ADAM7: variants seen among roughly 807,000 people sequenced by gnomAD.
The protein encoded by ADAM7 is ADAM metallopeptidase domain 7, also known as disintegrin and metalloproteinase domain-containing protein 7.
ADAM7 carries 97 observed loss-of-function variants against 102.9 expected under a neutral mutation model. The observed-to-expected ratio is 0.94, with a 90% CI of 0.80 to 1.12. The LOEUF is 1.12. Among genes scored for constraint, ADAM7 ranks in the 50% most tolerant of loss-of-function variants. The probability of loss-of-function intolerance (pLI) is 0.00; values close to 1 mark genes in which losing one functional copy is unlikely to be tolerated. For missense variants in ADAM7, 991 were observed against 908.7 expected, an observed-to-expected ratio of 1.09 and a Z score of -1.16; for synonymous variants, 334 against 304.4, an observed-to-expected ratio of 1.10 and a Z score of -1.01.
intron 7 of ADAM7, among the ~76,000 whole-genome samples, chr8:24,470,241 TTA>T (rs1491250411): frequency 5.3e-5 from 8 of 152,058 alleles, no homozygotes; most frequent in African/African-American, 1.7e-4. Flanking sequence ...ATGAAAAATG[TTA>T]TAAAATTTAA....
rs558543542 is a variant in ADAM7 at position 24,508,735 on chromosome 8, C to T, written c.*189C>T. ...TTAATATTTACCGGTAGAATTCACA[C>T]CCTCTATCATAAACATATGCTGCAG... On this transcript the variant is annotated 3_prime_UTR_variant, in exon 22 of 22. Coordinates refer to ENST00000175238, the MANE Select transcript of ADAM7 (RefSeq NM_003817.4). The T allele has an allele frequency of 4.2e-6, 6 of 1,417,408 alleles. No homozygotes were observed. The East Asian group carries it at 7.6e-5, about 18-fold the overall frequency. 87.8% of individuals were successfully genotyped at this position (1,417,408 alleles called of 1,614,324 possible). A position where few individuals can be genotyped will look rare whatever the true frequency, so the allele number is the denominator to read the frequency against.
chr8:24,459,997 A>G (rs1000197705), intron 3 of ADAM7, among the ~76,000 whole-genome samples: 1 of 152,098 alleles, frequency 6.6e-6, no homozygotes, highest in Non-Finnish European at 1.5e-5. Flanking sequence ...TCATTTCAAA[A>G]TATTTGATTT....
chr8:24,465,817 A>G, intron 5 of ADAM7, 42 bp downstream of exon 5: 5 of 1,446,556 alleles, frequency 3.5e-6, no homozygotes, highest in Non-Finnish European at 4.7e-6. Context: ...GAGTTTTCCT[A>G]TGGATTTTCA....
chr8:24,492,454 C>A, intron 14 of ADAM7, 41 bp from the exon 15 acceptor site: 1 of 1,371,082 alleles, frequency 7.3e-7, no homozygotes, highest in South Asian at 1.3e-5. Context: ...TCATGATAGT[C>A]ATGCTTTATT....
intron 3 of ADAM7, among the ~76,000 whole-genome samples, chr8:24,458,606 T>C (rs181969465): frequency 1.3e-5 from 2 of 152,280 alleles, no homozygotes; most frequent in Admixed American, 6.5e-5. Context: ...AAAATACTGA[T>C]AGTTTTGTCT....
chr8:24,462,788 A>G (rs751400160), intron 3 of ADAM7, among the ~76,000 whole-genome samples: 5 of 152,194 alleles, frequency 3.3e-5, no homozygotes, highest in Non-Finnish European at 7.3e-5. Context: ...TATCTTAAAA[A>G]CTGGAAGACA....
intron 2 of ADAM7, among the ~76,000 whole-genome samples, chr8:24,445,863 T>G (rs1343561682): frequency 2.0e-5 from 3 of 152,224 alleles, no homozygotes; most frequent in African/African-American, 7.2e-5. Context: ...AAATGTGTCA[T>G]GTTCCTTCCT....
intron 3 of ADAM7, among the ~76,000 whole-genome samples, chr8:24,450,459 A>G (rs954557654): frequency 1.7e-4 from 25 of 151,498 alleles, no homozygotes; most frequent in Non-Finnish European, 2.5e-4. Flanking sequence ...TTTGTCTGTT[A>G]TTGGTGTATA....
intron 12 of ADAM7, 53 bp from the exon 13 acceptor site, chr8:24,490,746 C>G: frequency 6.5e-7 from 1 of 1,536,160 alleles, no homozygotes; most frequent in Non-Finnish European, 8.9e-7. Context: ...ATTCTTCAAA[C>G]AGGAGTCAGA....
intron 8 of ADAM7, among the ~76,000 whole-genome samples, chr8:24,477,538 G>C (rs1819805486): frequency 7.3e-6 from 1 of 136,366 alleles, no homozygotes; most frequent in Middle Eastern, 4.1e-3. Flanking sequence ...TATTTTAGCT[G>C]GTCTATGTGT....
intron 7 of ADAM7, among the ~76,000 whole-genome samples, chr8:24,472,749 C>T (rs1322453141): frequency 6.6e-6 from 1 of 151,702 alleles, no homozygotes; most frequent in African/African-American, 2.4e-5. Context: ...GTAATTTTAG[C>T]AATGAGAAAA....
intron 13 of ADAM7, among the ~76,000 whole-genome samples, chr8:24,491,352 A>C (rs1376682305): frequency 6.6e-6 from 1 of 152,206 alleles, no homozygotes; most frequent in African/African-American, 2.4e-5. Context: ...CTTTATTGTG[A>C]ATTCACAAAG....
rs1820327899 is a variant in ADAM7 at position 24,490,971 on chromosome 8, C to T, written c.1356+83C>T. The T allele has an allele frequency of 3.0e-6, 4 of 1,341,392 alleles. No homozygotes were observed. The African/African-American group carries it at 5.9e-5, about 20-fold the overall frequency. The allele number at this position is 1,341,392 out of a possible 1,614,324, so 83.1% of individuals were successfully genotyped here. ...CAAGAGTTATCTAACCACTGGACAG[C>T]CCTGCACCACTGACTCCAAAATGAA... On this transcript the variant is annotated intron_variant, in intron 13 of 21. Transcript: ENST00000175238.
rs540607942 is a variant in ADAM7, at chr8:24,450,862, G to A, written c.233+3600G>A. Among the ~76,000 whole-genome samples, 360 of 152,234 alleles carry A rather than the reference G, an allele frequency of 2.4e-3. 2 individuals are homozygous for A. Among genetic ancestry groups the A allele is most frequent in the African/African-American group, 7.0e-3 (292 of 41,540 alleles). On this transcript the variant is annotated intron_variant, in intron 3 of 21. Transcript: ENST00000175238. ...GTATTGAGAGTTTTTAGCATGAAGG[G>A]TTGTTGAATTTTGTCAGAGGCCTTT... is the stretch of plus-strand genomic sequence containing the variant.
intron 3 of ADAM7, among the ~76,000 whole-genome samples, chr8:24,457,935 G>A (rs551500643): frequency 6.6e-6 from 1 of 151,352 alleles, no homozygotes; most frequent in South Asian, 2.1e-4. Flanking sequence ...CCTATTTATA[G>A]GCAATTATTC....
chr8:24,490,715 C>A, intron 12 of ADAM7, 84 bp from the exon 13 acceptor site: 1 of 1,347,852 alleles, frequency 7.4e-7, no homozygotes, highest in Non-Finnish European at 1.0e-6. Flanking sequence ...CTATCAGAAT[C>A]CACAGAAGCA....
chr8:24,445,063 T>C (rs1481348205), intron 2 of ADAM7, among the ~76,000 whole-genome samples: 1 of 152,184 alleles, frequency 6.6e-6, no homozygotes, highest in Admixed American at 6.5e-5. Context: ...ATTAACAATA[T>C]TGACAATATT....
intron 3 of ADAM7, among the ~76,000 whole-genome samples, chr8:24,458,781 T>C (rs1819132718): frequency 6.6e-6 from 1 of 152,112 alleles, no homozygotes; most frequent in Admixed American, 6.6e-5. Context: ...TACCTGTAGA[T>C]TTGTCATTGA....
At chr8:24,499,463 T>G (rs1398134353) in intron 17 of ADAM7, 147 bp downstream of exon 17, 3 of 577,716 alleles carry the variant, frequency 5.2e-6, no homozygotes, top group South Asian at 4.3e-5. Flanking sequence ...TTTTTTCATG[T>G]GTTATCAACA....
Sources: allele counts gnomAD v4.1 joint callset (sites outside exome capture counted in the v4.1 genomes callset), GRCh38; gene constraint gnomAD v4.1.1; transcripts MANE v1.5; gene names NCBI Gene and HGNC (gene_info 2026-07-23, HGNC 2026-07-21).